Variants in SCLT1 observed in about 807,000 individuals in gnomAD.
SCLT1 encodes the protein sodium channel and clathrin linker 1, also known as sodium channel-associated protein 1.
SCLT1 carries 78 observed loss-of-function variants against 112.8 expected under a neutral mutation model. The observed-to-expected ratio is 0.69, with a 90% CI of 0.58 to 0.83. SCLT1 has a LOEUF of 0.83. Among genes scored for constraint, SCLT1 ranks in the 40% least tolerant of loss-of-function variants. The pLI is 0.00. For synonymous variants in SCLT1, 257 were observed against 254.7 expected (o/e 1.01, Z -0.09); for missense variants, 747 against 770.4 (o/e 0.97, Z 0.36).
intron 5 of SCLT1, chr4:128,874,253 C>G (rs13148510): frequency 0.038 from 5,790 of 152,582 alleles, 114 homozygotes; most frequent in Middle Eastern, 0.058. Flanking sequence ...ATTACAGCAA[C>G]AGCTCTGGGT....
At position 128,998,010 on chromosome 4, in the gene SCLT1, T is replaced by C. The variant is rs1222927955; in HGVS notation, c.550-71A>G. 4.5e-6 allele frequency: 3 copies of C among 659,590 alleles called. No individual in the cohort carries two copies. In the East Asian group the frequency reaches 9.3e-5, roughly 21 times the overall value. The allele number at this position is 659,590 out of a possible 1,614,324, so 40.9% of individuals were successfully genotyped here. The stretch of plus-strand genomic sequence containing the variant: ...TTATAACCCATATTTAAAATTAAAC[T>C]AAAATCAAGTCTAAAATCATTATGC... On this transcript the variant is annotated intron_variant, in intron 7 of 20. Coordinates refer to ENST00000281142, the MANE Select transcript of SCLT1 (RefSeq NM_144643.4).
intron 2 of SCLT1, among the ~76,000 whole-genome samples, chr4:129,073,231 G>A (rs1436419874): frequency 6.6e-6 from 1 of 152,114 alleles, no homozygotes; most frequent in Non-Finnish European, 1.5e-5. Context: ...TTCCTTCAGA[G>A]GGTCTATGGG....
rs1435785427 is a variant in SCLT1, at chr4:129,025,456, A to G, written c.290+13585T>C. ...TTCATATCCAGCCAAACTAAGCTTC[A>G]TAAGTGAAGGAGAAATAAAATCCTT... On this transcript the variant is annotated intron_variant, in intron 5 of 20. Transcript: ENST00000281142. Among the ~76,000 whole-genome samples, 4 of 152,348 alleles carry G rather than the reference A, an allele frequency of 2.6e-5. No individual in the cohort carries two copies. In the East Asian group the frequency reaches 7.7e-4, roughly 29 times the overall value.
At position 128,921,791 on chromosome 4, in the gene SCLT1, C is replaced by T. The variant is rs988065674; in HGVS notation, c.1829+14864G>A. On this transcript the variant is annotated intron_variant, in intron 18 of 20. Coordinates refer to ENST00000281142, the MANE Select transcript of SCLT1 (RefSeq NM_144643.4). ...CAATTGCAACAAAAATAAAAGTTGA[C>T]ATGTGGGACCTAATTAAACTAAACA... Among the ~76,000 whole-genome samples the T allele has an allele frequency of 4.6e-5, 7 of 152,210 alleles. 2 individuals carry two copies. The South Asian group carries it at 1.5e-3, about 32-fold the overall frequency.
intron 18 of SCLT1, among the ~76,000 whole-genome samples, chr4:128,902,764 A>C (rs1734419418): frequency 6.6e-6 from 1 of 152,212 alleles, no homozygotes; most frequent in Non-Finnish European, 1.5e-5. Flanking sequence ...GTAACTTTTT[A>C]CTTTATAAAA....
rs184000440 is a variant in SCLT1, at chr4:128,940,399, C to G, written c.1632+2597G>C. Among the ~76,000 whole-genome samples, 499 of 151,988 alleles carry G rather than the reference C, an allele frequency of 3.3e-3. 4 individuals are homozygous for G. Among genetic ancestry groups the G allele is most frequent in the Non-Finnish European group, 4.1e-3 (281 of 67,940 alleles). On this transcript the variant is annotated intron_variant, in intron 17 of 20. Coordinates refer to ENST00000281142, the MANE Select transcript of SCLT1 (RefSeq NM_144643.4). The stretch of plus-strand genomic sequence containing the variant: ...ATAAGGTCCCTCTATTCCCAAAACT[C>G]AGATAATCCCTTCTAACTTCTACAT...
chr4:128,992,075 A>C, intron 9 of SCLT1, 92 bp downstream of exon 9: 1 of 774,984 alleles, frequency 1.3e-6, no homozygotes, highest in Non-Finnish European at 2.1e-6. Flanking sequence ...AAGGAAGGCA[A>C]AAAAACACCC....
chr4:129,082,519 A>T, intron 1 of SCLT1, 146 bp from the exon 2 acceptor site: 1 of 454,468 alleles, frequency 2.2e-6, no homozygotes, highest in Non-Finnish European at 3.9e-6. Flanking sequence ...CAGTTTCAAT[A>T]CACCATTTTA....
At chr4:128,942,922 T>C (rs1442309178) in intron 17 of SCLT1, 74 bp downstream of exon 17, 12 of 1,126,700 alleles carry the variant, frequency 1.1e-5, no homozygotes, top group Non-Finnish European at 1.3e-5. Flanking sequence ...TAAAGATGTT[T>C]TGCTAGGTCT....
rs1253270312 is a variant in SCLT1, at chr4:128,965,100, A to G, written c.869+127T>C. On this transcript the variant is annotated intron_variant, in intron 11 of 20. Transcript: ENST00000281142. Reference sequence around the variant, plus strand: ...CAATGTCGATTAAATCAGATTTTACACCTATGATTATAGTTTTGATTTGGA... The same window carrying G: ...CAATGTCGATTAAATCAGATTTTACGCCTATGATTATAGTTTTGATTTGGA... The G allele has an allele frequency of 1.4e-5, 8 of 572,696 alleles. No individual in the cohort carries two copies. The Admixed American group carries it at 1.7e-4, about 12-fold the overall frequency. The allele number at this position is 572,696 out of a possible 1,614,324, so 35.5% of individuals were successfully genotyped here.
chr4:128,946,265 G>A (rs1738154437), intron 15 of SCLT1, 113 bp from the exon 16 acceptor site: 4 of 604,354 alleles, frequency 6.6e-6, no homozygotes, highest in Admixed American at 3.3e-5. Context: ...GTGTTCATTT[G>A]TTCTGACCGT....
At chr4:129,043,077 A>C (rs940488983) in intron 4 of SCLT1, among the ~76,000 whole-genome samples, 1 of 152,044 alleles carries the variant, frequency 6.6e-6, no homozygotes, top group Non-Finnish European at 1.5e-5. Context: ...ATCTCAAAAA[A>C]AAGAAAAGAA....
intron 5 of SCLT1, chr4:129,037,687 C>G (rs373397755): frequency 6.6e-6 from 1 of 152,130 alleles, no homozygotes; most frequent in East Asian, 1.9e-4. Context: ...TAAATCCTTT[C>G]TTGTTTCAAA....
intron 3 of SCLT1, among the ~76,000 whole-genome samples, chr4:128,877,286 TTAAG>T (rs1415949575): frequency 1.3e-5 from 2 of 152,110 alleles, no homozygotes; most frequent in African/African-American, 2.4e-5. Context: ...CACAGAGAAA[TTAAG>T]TAATTTGCTC....
intron 11 of SCLT1, among the ~76,000 whole-genome samples, chr4:128,961,734 C>A (rs1739751915): frequency 6.6e-6 from 1 of 152,162 alleles, no homozygotes; most frequent in Non-Finnish European, 1.5e-5. Context: ...ACTGTTGCTT[C>A]TTCCATGCAC....
Position 128,973,178 on chromosome 4 carries a change from C to T in SCLT1, c.687-2710G>A, listed in dbSNP as rs1392138629. ...CACTAACTTCTCCTTGGCAAAAACC[C>T]TATATCTCAATACTTATAATATATA... On this transcript the variant is annotated intron_variant, in intron 9 of 20. Coordinates refer to ENST00000281142, the MANE Select transcript of SCLT1 (RefSeq NM_144643.4). 5.7e-4 allele frequency among the ~76,000 whole-genome samples: 86 copies of T among 151,998 alleles called. 1 individual carries two copies. Among genetic ancestry groups the T allele is most frequent in the Non-Finnish European group, 2.9e-5 (2 of 68,030 alleles).
intron 5 of SCLT1, among the ~76,000 whole-genome samples, chr4:129,033,262 G>A (rs1439263219): frequency 6.6e-6 from 1 of 151,224 alleles, no homozygotes; most frequent in African/African-American, 2.4e-5. Flanking sequence ...AACACTGCAT[G>A]TTCTCACTCA....
intron 18 of SCLT1, among the ~76,000 whole-genome samples, chr4:128,891,949 T>C (rs1036855309): frequency 6.6e-6 from 1 of 152,130 alleles, no homozygotes; most frequent in African/African-American, 2.4e-5. Flanking sequence ...CTGGCCTTAG[T>C]ATGCATTTGT....
intron 5 of SCLT1, among the ~76,000 whole-genome samples, chr4:129,029,089 G>C (rs1012336534): frequency 3.9e-5 from 6 of 151,998 alleles, no homozygotes; most frequent in African/African-American, 9.7e-5. Context: ...GGACTGTAAA[G>C]TAGTTCAACC....
Sources: allele counts gnomAD v4.1 joint callset (sites outside exome capture counted in the v4.1 genomes callset), GRCh38; gene constraint gnomAD v4.1.1; transcripts MANE v1.5; gene names NCBI Gene and HGNC (gene_info 2026-07-23, HGNC 2026-07-21).